Variants in AGPAT4 observed in about 807,000 individuals in gnomAD.
The protein encoded by AGPAT4 is 1-acylglycerol-3-phosphate O-acyltransferase 4, also known as 1-acyl-sn-glycerol-3-phosphate acyltransferase delta.
In AGPAT4, 15 loss-of-function variants were observed where a neutral mutation model predicts 48.0. The ratio of observed to expected loss-of-function variants is 0.31; its 90% confidence interval spans 0.21 to 0.48. The LOEUF (loss-of-function observed/expected upper bound fraction) is 0.48. Ranked by LOEUF, AGPAT4 falls within the 20% of genes least tolerant of loss-of-function variation. The pLI, the probability that AGPAT4 is intolerant of heterozygous loss-of-function variation, is 0.99. For missense variants in AGPAT4, 314 were observed against 482.5 expected (o/e 0.65, Z 3.27); for synonymous variants, 178 against 198.7 (o/e 0.90, Z 0.88).
At position 161,134,333 on chromosome 6, in the gene AGPAT4, G is replaced by C. The variant is rs1051027639; in HGVS notation, c.*2207C>G. ...TCAGAAGAAAATTGAATGTCTGTGGGCCCCCGGATCTATGTTTTTAGAACT... is the reference window on the plus strand; with the variant it reads ...TCAGAAGAAAATTGAATGTCTGTGGCCCCCCGGATCTATGTTTTTAGAACT... On this transcript the variant is annotated 3_prime_UTR_variant, in exon 9 of 9. Coordinates refer to ENST00000320285, the MANE Select transcript of AGPAT4 (RefSeq NM_020133.3). 15 of 152,124 alleles carry C rather than the reference G, an allele frequency of 9.9e-5. No homozygotes were observed. Among genetic ancestry groups the C allele is most frequent in the African/African-American group, 2.9e-4 (12 of 41,400 alleles). The allele number at this position is 152,124 out of a possible 1,614,324, so 9.4% of individuals were successfully genotyped here.
rs1306782040 is a variant in AGPAT4 at position 161,221,284 on chromosome 6, C to T, written c.178+10752G>A. On this transcript the variant is annotated intron_variant, in intron 2 of 8. Coordinates refer to ENST00000320285, the MANE Select transcript of AGPAT4 (RefSeq NM_020133.3). This position sits in a 1 kb window ranked among gnomAD's most constrained non-coding sequence, Gnocchi z 4.5. ...ATGAGGTTCCTACACAGTTTATATACAGTTTGTCACCTTCCTCCACGTCCA... is the reference window on the plus strand; with the variant it reads ...ATGAGGTTCCTACACAGTTTATATATAGTTTGTCACCTTCCTCCACGTCCA... Among the ~76,000 whole-genome samples the T allele has an allele frequency of 6.6e-6, 1 of 152,132 alleles. No individual in the cohort carries two copies.
At chr6:161,190,684 A>ACT (rs1213471996) in intron 2 of AGPAT4, among the ~76,000 whole-genome samples, 1 of 152,026 alleles carries the variant, frequency 6.6e-6, no homozygotes, top group Non-Finnish European at 1.5e-5. Context: ...TCCAAATCTC[A>ACT]CTCTCTAATC....
At position 161,216,627 on chromosome 6, in the gene AGPAT4, A is replaced by G. The variant is rs534588258; in HGVS notation, c.178+15409T>C. Reference sequence around the variant, plus strand: ...CTGAAGACATGCCCGAAACGAAACCAAAAAAGGTTTAAAAGGTTTAATTGG... The same window carrying G: ...CTGAAGACATGCCCGAAACGAAACCGAAAAAGGTTTAAAAGGTTTAATTGG... On this transcript the variant is annotated intron_variant, in intron 2 of 8. Coordinates refer to ENST00000320285, the MANE Select transcript of AGPAT4 (RefSeq NM_020133.3). This position sits in a 1 kb window ranked among gnomAD's most constrained non-coding sequence, Gnocchi z 4.8. Among the ~76,000 whole-genome samples the G allele has an allele frequency of 3.6e-4, 55 of 152,286 alleles. No individual in the cohort carries two copies. Among genetic ancestry groups the G allele is most frequent in the African/African-American group, 1.1e-3 (45 of 41,556 alleles).
In AGPAT4 at chr6:161,177,293, T is replaced by C. The variant is rs1439718149; in HGVS notation, c.179-10876A>G. On this transcript the variant is annotated intron_variant, in intron 2 of 8. Coordinates refer to ENST00000320285, the MANE Select transcript of AGPAT4 (RefSeq NM_020133.3). The surrounding 1 kb of genome is among the most constrained non-coding windows in gnomAD (Gnocchi z 5.0). ...TTCAGGTACATCAATCAGACGTAGA[T>C]TTGGTCTTTTCACATAGTCCCATAT... Among the ~76,000 whole-genome samples, 1 of 152,208 alleles carries C rather than the reference T, an allele frequency of 6.6e-6. No individual in the cohort carries two copies. The highest frequency in any genetic ancestry group is 1.5e-5 in the Non-Finnish European group (1 of 68,022).
chr6:161,182,649 C>T (rs1253665542), intron 2 of AGPAT4, among the ~76,000 whole-genome samples: 3 of 152,246 alleles, frequency 2.0e-5, no homozygotes, highest in South Asian at 2.1e-4. Flanking sequence ...GGGTAAAGGG[C>T]TGCTGCCACA....
Position 161,234,435 on chromosome 6 carries a change from C to A in AGPAT4, c.-89-2133G>T, listed in dbSNP as rs1247660190. ...CTGAATCATCACATCTCTGGCCTTT[C>A]GCAGACGGCATTTCCACAGATATTT... On this transcript the variant is annotated intron_variant, in intron 1 of 8. Coordinates refer to ENST00000320285, the MANE Select transcript of AGPAT4 (RefSeq NM_020133.3). The surrounding 1 kb of genome is among the most constrained non-coding windows in gnomAD (Gnocchi z 4.4). Among the ~76,000 whole-genome samples the A allele has an allele frequency of 6.6e-6, 1 of 152,196 alleles. No individual in the cohort carries two copies. The highest frequency in any genetic ancestry group is 3.4e-3 in the Middle Eastern group (1 of 292).
chr6:161,172,523 G>C (rs551148348), intron 2 of AGPAT4, among the ~76,000 whole-genome samples: 294 of 152,348 alleles, frequency 1.9e-3, no homozygotes, highest in Non-Finnish European at 3.3e-3. Flanking sequence ...ACCTGGGAAA[G>C]GCCAGCTGGA....
Position 161,146,516 on chromosome 6 carries a change from G to A in AGPAT4, c.843+8C>T, listed in dbSNP as rs746238707. ...CGTGAAGGGACCCCTGGCACCCAGT[G>A]CACTGACCTTCTCCTGGTAGAGCTT... On this transcript the variant is annotated splice_region_variant and intron_variant, in intron 7 of 8. Transcript: ENST00000320285. The surrounding 1 kb of genome is among the most constrained non-coding windows in gnomAD (Gnocchi z 7.1). 1 of 1,613,562 alleles carries A rather than the reference G, an allele frequency of 6.2e-7. No homozygotes were observed. Among genetic ancestry groups the A allele is most frequent in the Non-Finnish European group, 8.5e-7 (1 of 1,179,910 alleles).
chr6:161,256,253 C>A (rs1486651705), intron 1 of AGPAT4, among the ~76,000 whole-genome samples: 1 of 152,162 alleles, frequency 6.6e-6, no homozygotes. Context: ...TGGAAGGATA[C>A]GAAAACCTGG....
chr6:161,202,562 T>C lies in AGPAT4; in HGVS notation c.178+29474A>G, dbSNP rs1414054706. On this transcript the variant is annotated intron_variant, in intron 2 of 8. Transcript: ENST00000320285. The surrounding 1 kb of genome is among the most constrained non-coding windows in gnomAD (Gnocchi z 5.4). The stretch of plus-strand genomic sequence containing the variant: ...GTTTCACTTTTTTCAGGGAAGACTG[T>C]CAAAGACATATTTAAAAATTACCAT... Among the ~76,000 whole-genome samples the C allele has an allele frequency of 6.6e-6, 1 of 152,146 alleles. No individual in the cohort carries two copies. Among genetic ancestry groups the C allele is most frequent in the Non-Finnish European group, 1.5e-5 (1 of 68,026 alleles).
Position 161,270,056 on chromosome 6 carries a change from A to C in AGPAT4, c.-90+3882T>G, listed in dbSNP as rs551687190. 2.0e-5 allele frequency among the ~76,000 whole-genome samples: 3 copies of C among 152,344 alleles called. No homozygotes were observed. The East Asian group carries it at 5.8e-4, about 29-fold the overall frequency. ...GTTGAAACAAATTATACTCCTTTTA[A>C]GATATTTCCTCTTATTCAGTCATTA... On this transcript the variant is annotated intron_variant, in intron 1 of 8. Coordinates refer to ENST00000320285, the MANE Select transcript of AGPAT4 (RefSeq NM_020133.3). This position sits in a 1 kb window ranked among gnomAD's most constrained non-coding sequence, Gnocchi z 5.3.
chr6:161,238,688 T>C lies in AGPAT4; in HGVS notation c.-89-6386A>G, dbSNP rs565215949. ...GCTGTGTCTCCACCCAAATCTTACC[T>C]TGAATTGTAGTTCCCATAATCTCCA... On this transcript the variant is annotated intron_variant, in intron 1 of 8. Coordinates refer to ENST00000320285, the MANE Select transcript of AGPAT4 (RefSeq NM_020133.3). This position sits in a 1 kb window ranked among gnomAD's most constrained non-coding sequence, Gnocchi z 5.2. Among the ~76,000 whole-genome samples, 237 of 152,302 alleles carry C rather than the reference T, an allele frequency of 1.6e-3. No individual in the cohort carries two copies. The highest frequency in any genetic ancestry group is 5.4e-3 in the African/African-American group (226 of 41,572).
At chr6:161,194,606 CTATG>C (rs911385960) in intron 2 of AGPAT4, among the ~76,000 whole-genome samples, 10 of 149,954 alleles carry the variant, frequency 6.7e-5, no homozygotes, top group Admixed American at 4.6e-4. Flanking sequence ...GTATGTGTGT[CTATG>C]TATGTGTACA....
chr6:161,263,352 G>T (rs1456760521), intron 1 of AGPAT4, among the ~76,000 whole-genome samples: 1 of 152,170 alleles, frequency 6.6e-6, no homozygotes, highest in Admixed American at 6.5e-5. Flanking sequence ...TTAGCTGGGT[G>T]TGGTGGCGGG....
rs1251778765 is a variant in AGPAT4, at chr6:161,202,602, AT to A, written c.178+29433del. Among the ~76,000 whole-genome samples the A allele has an allele frequency of 1.3e-5, 2 of 152,116 alleles. No homozygotes were observed. Among genetic ancestry groups the A allele is most frequent in the Non-Finnish European group, 2.9e-5 (2 of 68,040 alleles). ...AAAATTACCATCTATAACAGACTGTATTTTCCAAAGATGGCTACAATAATAT... is the reference window on the plus strand; with the variant it reads ...AAAATTACCATCTATAACAGACTGTATTTCCAAAGATGGCTACAATAATAT... On this transcript the variant is annotated intron_variant, in intron 2 of 8. Transcript: ENST00000320285. This position sits in a 1 kb window ranked among gnomAD's most constrained non-coding sequence, Gnocchi z 5.4.
rs3043142 is a variant in AGPAT4, at chr6:161,272,705, A to AACACACACACACACAC, written c.-90+1217_-90+1232dup. Among the ~76,000 whole-genome samples, 661 of 147,164 alleles carry AACACACACACACACAC rather than the reference A, an allele frequency of 4.5e-3. 3 individuals are homozygous for AACACACACACACACAC. The highest frequency in any genetic ancestry group is 0.016 in the African/African-American group (634 of 39,902). On this transcript the variant is annotated intron_variant, in intron 1 of 8. Transcript: ENST00000320285. The surrounding 1 kb of genome is among the most constrained non-coding windows in gnomAD (Gnocchi z 4.2). The stretch of plus-strand genomic sequence containing the variant: ...TCCCTGCCCGCCTCCCATTTCCCTA[A>AACACACACACACACAC]ACACACACACACACACACACACACA...
chr6:161,247,503 A>T lies in AGPAT4; in HGVS notation c.-89-15201T>A, dbSNP rs1038291429. ...TTATTTTTAAATATATAGTAGTTGA[A>T]CTCCTTCATGTTAAAAACTCTCAAT... On this transcript the variant is annotated intron_variant, in intron 1 of 8. Transcript: ENST00000320285. Among the ~76,000 whole-genome samples, 6 of 151,750 alleles carry T rather than the reference A, an allele frequency of 4.0e-5. No homozygotes were observed. The South Asian group carries it at 1.0e-3, about 26-fold the overall frequency.
chr6:161,152,307 AG>A (rs1779614739), intron 5 of AGPAT4, among the ~76,000 whole-genome samples: 1 of 148,508 alleles, frequency 6.7e-6, no homozygotes. Context: ...CGAGGGGGCC[AG>A]GGGCACAGCC....
At position 161,177,938 on chromosome 6, in the gene AGPAT4, TATCACCAGTGGA is replaced by T. The variant is rs1780472247; in HGVS notation, c.179-11533_179-11522del. ...TCCACTCCAGTCCTGTTTATCTGGG[TATCACCAGTGGA>T]GGCTGCAGAACAGCAAATATTACAG... On this transcript the variant is annotated intron_variant, in intron 2 of 8. Coordinates refer to ENST00000320285, the MANE Select transcript of AGPAT4 (RefSeq NM_020133.3). The surrounding 1 kb of genome is among the most constrained non-coding windows in gnomAD (Gnocchi z 5.0). Among the ~76,000 whole-genome samples, 1 of 152,208 alleles carries T rather than the reference TATCACCAGTGGA, an allele frequency of 6.6e-6. No homozygotes were observed. Among genetic ancestry groups the T allele is most frequent in the South Asian group, 2.1e-4 (1 of 4,832 alleles).
Sources: allele counts gnomAD v4.1 joint callset (sites outside exome capture counted in the v4.1 genomes callset), GRCh38; gene constraint gnomAD v4.1.1; non-coding constraint Gnocchi (gnomAD v3.1); transcripts MANE v1.5; gene names NCBI Gene and HGNC (gene_info 2026-07-23, HGNC 2026-07-21).